INO80D: variants seen among roughly 807,000 people sequenced by gnomAD.
INO80D encodes INO80 complex subunit D.
INO80D carries 21 observed loss-of-function variants against 87.6 expected under a neutral mutation model. That is an observed-to-expected ratio of 0.24 (90% CI 0.17 to 0.35). INO80D has a LOEUF of 0.35. INO80D is among the 10% of genes least tolerant of loss of function. INO80D has a pLI of 1.00. For missense variants in INO80D, 982 were observed against 1,280.7 expected (o/e 0.77, Z 3.56); for synonymous variants, 440 against 491.0 (o/e 0.90, Z 1.37).
In INO80D at chr2:206,001,726, T is replaced by C. The variant is rs1046820703; in HGVS notation, c.*2642A>G. 1 of 152,148 alleles carries C rather than the reference T, an allele frequency of 6.6e-6. No individual in the cohort carries two copies. The highest frequency in any genetic ancestry group is 2.4e-5 in the African/African-American group (1 of 41,414). The allele number at this position is 152,148 out of a possible 1,614,324, so 9.4% of individuals were successfully genotyped here. A position where few individuals can be genotyped will look rare whatever the true frequency, so the allele number is the denominator to read the frequency against. On this transcript the variant is annotated 3_prime_UTR_variant, in exon 11 of 11. Transcript: ENST00000403263. Reference sequence around the variant, plus strand: ...TAAGAAACAGCAAGAGCAAAGCAAATTGCAAACTTTGATATCTGTTTTGAA... The same window carrying C: ...TAAGAAACAGCAAGAGCAAAGCAAACTGCAAACTTTGATATCTGTTTTGAA...
chr2:206,020,765 C>T (rs1361662955), intron 6 of INO80D, among the ~76,000 whole-genome samples: 1 of 151,870 alleles, frequency 6.6e-6, no homozygotes, highest in Admixed American at 6.6e-5. Context: ...ATTTGCCAGC[C>T]CCCACTCCCT....
chr2:206,016,861 C>A (rs1688332247), intron 8 of INO80D, among the ~76,000 whole-genome samples: 1 of 152,182 alleles, frequency 6.6e-6, no homozygotes, highest in Non-Finnish European at 1.5e-5. Flanking sequence ...ATATGACTTA[C>A]TCCTCCTTGC....
chr2:206,017,728 A>G lies in INO80D; in HGVS notation c.1494T>C (p.Phe498=). 3.1e-6 allele frequency: 5 copies of G among 1,612,568 alleles called. No individual in the cohort carries two copies. Among genetic ancestry groups the G allele is most frequent in the Non-Finnish European group, 4.2e-6 (5 of 1,179,390 alleles). Residue 498 remains phenylalanine, a synonymous_variant, in exon 8 of 11, where the codon TTT becomes TTC. Transcript: ENST00000403263. ...ADGQQCSVPV[F]DITHQTPLCE... ...ACAGAGGTGTCTGATGTGTAATGTC[A>G]AAAACTGGCACAGAGCACTGCTGTC...
chr2:206,076,888 G>A (rs556680060), intron 1 of INO80D, among the ~76,000 whole-genome samples: 1 of 152,292 alleles, frequency 6.6e-6, no homozygotes, highest in South Asian at 2.1e-4. Flanking sequence ...AGGGAAGATT[G>A]TAATTGTATG....
intron 6 of INO80D, among the ~76,000 whole-genome samples, chr2:206,021,116 CTGAGTA>C (rs1203521807): frequency 2.0e-5 from 3 of 152,272 alleles, no homozygotes; most frequent in South Asian, 4.1e-4. Context: ...CTTTACAAGT[CTGAGTA>C]TGAGGAAAAA....
intron 6 of INO80D, chr2:206,025,463 G>A (rs868694467): frequency 2.1e-5 from 3 of 145,580 alleles, no homozygotes; most frequent in Non-Finnish European, 4.5e-5. Context: ...GGGAGGCAGA[G>A]GTTGTAGTGA....
rs1046371782 is a variant in INO80D, at chr2:206,056,500, G to A, written c.662C>T (p.Pro221Leu). 1 of 1,613,740 alleles carries A rather than the reference G, an allele frequency of 6.2e-7. No individual in the cohort carries two copies. The change falls in exon 4 of 11, where the codon CCT becomes CTT. Residue 221 changes from proline (P) to leucine (L), a missense_variant. Transcript: ENST00000403263. ...HLSPLSTSLK[P>L]PAPPQGSVCK... ...GACTGAACCCTGCGGTGGCGCTGGA[G>A]GTTTTAAAGAAGTAGATAAAGGTGA...
intron 8 of INO80D, among the ~76,000 whole-genome samples, chr2:206,015,620 C>G (rs1400421271): frequency 1.3e-5 from 2 of 152,166 alleles, no homozygotes; most frequent in African/African-American, 4.8e-5. Context: ...CATGGTGGCT[C>G]ACGCCTGTAA....
chr2:206,019,945 A>AAT (rs1688416978), intron 6 of INO80D, 100 bp from the exon 7 acceptor site: 1 of 761,014 alleles, frequency 1.3e-6, no homozygotes. Flanking sequence ...CTCTCATTAT[A>AAT]ATATATATAA....
Position 206,000,649 on chromosome 2 carries a change from G to C in INO80D, c.*3719C>G, listed in dbSNP as rs543997025. Reference sequence around the variant, plus strand: ...TGATCACAGATTGAGAACAAGCTCTGATAAGGAAGAGCTTTAGTGTCAGTC... The same window carrying C: ...TGATCACAGATTGAGAACAAGCTCTCATAAGGAAGAGCTTTAGTGTCAGTC... On this transcript the variant is annotated 3_prime_UTR_variant, in exon 11 of 11. Transcript: ENST00000403263. 3.9e-5 allele frequency: 6 copies of C among 152,206 alleles called. No homozygotes were observed. The South Asian group carries it at 1.0e-3, about 26-fold the overall frequency. The allele number at this position is 152,206 out of a possible 1,614,324, so 9.4% of individuals were successfully genotyped here.
chr2:206,047,300 C>A (rs818001), intron 4 of INO80D, among the ~76,000 whole-genome samples: 51,510 of 151,896 alleles, frequency 0.34, 9,228 homozygotes, highest in South Asian at 0.58. Context: ...CTCACTGCAA[C>A]CTCTGCCTTC....
intron 1 of INO80D, among the ~76,000 whole-genome samples, chr2:206,070,149 G>A (rs986099553): frequency 2.0e-5 from 3 of 152,112 alleles, no homozygotes; most frequent in Admixed American, 6.6e-5. Context: ...AGTGGCTCAC[G>A]CCTGTAATCC....
intron 3 of INO80D, among the ~76,000 whole-genome samples, chr2:206,058,560 C>T (rs1030695422): frequency 1.3e-5 from 2 of 151,702 alleles, no homozygotes; most frequent in Non-Finnish European, 2.9e-5. Context: ...CATGGTGAAA[C>T]CCCATCTCTA....
chr2:206,020,868 A>T (rs1481952668), intron 6 of INO80D, among the ~76,000 whole-genome samples: 1 of 152,130 alleles, frequency 6.6e-6, no homozygotes, highest in African/African-American at 2.4e-5. Flanking sequence ...TTAAATTCTT[A>T]GAAGTGGGCC....
intron 1 of INO80D, among the ~76,000 whole-genome samples, chr2:206,084,031 C>T (rs1392868094): frequency 4.0e-5 from 6 of 151,386 alleles, no homozygotes; most frequent in Admixed American, 4.0e-4. Flanking sequence ...ACATCCTGTC[C>T]CTGAAAAGCA....
intron 1 of INO80D, among the ~76,000 whole-genome samples, chr2:206,068,911 G>A (rs374747600): frequency 2.4e-4 from 37 of 152,186 alleles, no homozygotes; most frequent in African/African-American, 8.7e-4. Flanking sequence ...ATGTTGCCTA[G>A]GCTGGTCTTG....
intron 3 of INO80D, among the ~76,000 whole-genome samples, chr2:206,058,181 G>A (rs1225741661): frequency 2.0e-5 from 3 of 152,160 alleles, no homozygotes; most frequent in Non-Finnish European, 2.9e-5. Context: ...AGCACTTTGG[G>A]AGGCTGAGGC....
chr2:206,020,232 A>G (rs1688424120), intron 6 of INO80D, among the ~76,000 whole-genome samples: 1 of 152,180 alleles, frequency 6.6e-6, no homozygotes, highest in African/African-American at 2.4e-5. Flanking sequence ...GACTATGGGC[A>G]TGTTGCTCAG....
At chr2:206,013,347 A>T (rs542743240) in intron 8 of INO80D, among the ~76,000 whole-genome samples, 1 of 152,006 alleles carries the variant, frequency 6.6e-6, no homozygotes, top group Non-Finnish European at 1.5e-5. Context: ...AGGTCAGGAG[A>T]TCGAGATCTT....
Sources: gnomAD v4.1 joint callset for allele counts (sites outside exome capture counted in the v4.1 genomes callset) on GRCh38, gnomAD v4.1.1 for gene constraint, MANE v1.5 for transcripts, NCBI Gene and HGNC (gene_info 2026-07-23, HGNC 2026-07-21) for gene names.